Variants in ACAD10 observed in about 807,000 individuals in gnomAD.
ACAD10 encodes the protein acyl-CoA dehydrogenase family member 10.
In ACAD10, 112 loss-of-function variants were observed where a neutral mutation model predicts 116.8. The ratio of observed to expected loss-of-function variants is 0.96; its 90% CI spans 0.82 to 1.12. ACAD10 has a LOEUF of 1.12. Among genes scored for constraint, ACAD10 ranks in the 50% most tolerant of loss-of-function variants. ACAD10 has a pLI of 0.00. For missense variants in ACAD10, 1,259 were observed against 1,350.2 expected, an observed-to-expected ratio of 0.93 and a Z score of 1.06; for synonymous variants, 486 against 510.6, an observed-to-expected ratio of 0.95 and a Z score of 0.65.
intron 7 of ACAD10, among the ~76,000 whole-genome samples, chr12:111,719,740 T>C (rs1043868958): frequency 3.3e-5 from 5 of 151,966 alleles, no homozygotes. Context: ...ATTTTTATTA[T>C]TTTTTGAGAC....
intron 18 of ACAD10, among the ~76,000 whole-genome samples, chr12:111,752,327 G>A (rs796215831): frequency 1.2e-4 from 19 of 152,096 alleles, no homozygotes; most frequent in African/African-American, 4.6e-4. Flanking sequence ...AGGCTGGCCG[G>A]GTGCTGTGGT....
intron 6 of ACAD10, among the ~76,000 whole-genome samples, chr12:111,714,352 G>T (rs772352840): frequency 6.6e-6 from 1 of 152,052 alleles, no homozygotes; most frequent in Non-Finnish European, 1.5e-5. Context: ...CAGAAAACCA[G>T]GTGCCTTGTG....
intron 8 of ACAD10, among the ~76,000 whole-genome samples, chr12:111,722,880 C>T (rs1159206326): frequency 5.3e-5 from 8 of 152,144 alleles, no homozygotes; most frequent in East Asian, 3.9e-4. Context: ...CATCCTGGCC[C>T]GTTCTCAATG....
chr12:111,712,998 A>G (rs545448756), intron 6 of ACAD10, among the ~76,000 whole-genome samples: 1 of 152,318 alleles, frequency 6.6e-6, no homozygotes, highest in East Asian at 1.9e-4. Flanking sequence ...ACGACAGCCC[A>G]TTTTGTGAAG....
At chr12:111,706,638 C>T (rs1290170639) in intron 4 of ACAD10, among the ~76,000 whole-genome samples, 8 of 150,546 alleles carry the variant, frequency 5.3e-5, no homozygotes, top group Non-Finnish European at 7.4e-5. Flanking sequence ...TTAGTAGAGA[C>T]GGGGGTTTCA....
intron 2 of ACAD10, among the ~76,000 whole-genome samples, chr12:111,697,909 C>T (rs1184550899): frequency 2.7e-5 from 4 of 146,286 alleles, no homozygotes; most frequent in African/African-American, 5.0e-5. Flanking sequence ...TTTTAATGTT[C>T]ATTTGCCTGA....
chr12:111,689,436 A>G (rs1401901205), intron 1 of ACAD10, among the ~76,000 whole-genome samples: 4 of 151,310 alleles, frequency 2.6e-5, no homozygotes, highest in African/African-American at 7.3e-5. Flanking sequence ...CAGTGGTGCA[A>G]TCTTGGTTCA....
intron 16 of ACAD10, chr12:111,747,810 G>A (rs917487980): frequency 5.0e-6 from 5 of 992,632 alleles, no homozygotes; most frequent in Non-Finnish European, 6.1e-6. Context: ...ACAAGTAGCC[G>A]TGGAGCTTAC....
At chr12:111,755,640 T>A (rs199856179) in intron 19 of ACAD10, 28 bp from the exon 20 acceptor site, 1 of 1,605,450 alleles carries the variant, frequency 6.2e-7, no homozygotes, top group East Asian at 2.2e-5. Context: ...CTCGGGTCTT[T>A]TATGATCGCA....
At position 111,756,535 on chromosome 12, in the gene ACAD10, G is replaced by C; in HGVS notation, c.*62G>C. The stretch of plus-strand genomic sequence containing the variant: ...TCCAGCTGTGCCCAGATCTGTCACT[G>C]ATGTGCCTCGAAAGATCCGGTGTTT... On this transcript the variant is annotated 3_prime_UTR_variant, in exon 21 of 21. Coordinates refer to ENST00000313698, the MANE Select transcript of ACAD10 (RefSeq NM_025247.6). The C allele has an allele frequency of 9.4e-6, 15 of 1,588,498 alleles. No individual in the cohort carries two copies. Among genetic ancestry groups the C allele is most frequent in the Non-Finnish European group, 1.3e-5 (15 of 1,172,082 alleles).
At chr12:111,716,350 G>A (rs1345767111) in intron 7 of ACAD10, among the ~76,000 whole-genome samples, 1 of 152,140 alleles carries the variant, frequency 6.6e-6, no homozygotes, top group Non-Finnish European at 1.5e-5. Flanking sequence ...CCACCTGGGA[G>A]ACATTGTGAA....
intron 10 of ACAD10, among the ~76,000 whole-genome samples, chr12:111,731,912 A>G (rs1889396099): frequency 6.6e-6 from 1 of 152,016 alleles, no homozygotes; most frequent in Admixed American, 6.6e-5. Context: ...CCAAAATCCC[A>G]TGTCTATTAA....
intron 10 of ACAD10, among the ~76,000 whole-genome samples, chr12:111,730,754 CTT>C (rs750344202): frequency 3.1e-4 from 42 of 135,046 alleles, no homozygotes; most frequent in Non-Finnish European, 3.1e-4. Flanking sequence ...ATTTCCGTTT[CTT>C]TTTTTTTTTT....
chr12:111,724,697 G>A (rs560985515), intron 8 of ACAD10, among the ~76,000 whole-genome samples: 1 of 152,254 alleles, frequency 6.6e-6, no homozygotes, highest in East Asian at 1.9e-4. Context: ...GGCAGGCTGA[G>A]GCAGGAGAAT....
At chr12:111,691,931 G>T (rs117336370) in intron 1 of ACAD10, among the ~76,000 whole-genome samples, 4,565 of 151,972 alleles carry the variant, frequency 0.03, 110 homozygotes, top group Non-Finnish European at 0.039. Context: ...TAGGAATTGA[G>T]ATTTTATTTT....
At position 111,705,948 on chromosome 12, in the gene ACAD10, T is replaced by C. The variant is rs745661120; in HGVS notation, c.531+16T>C. 3 of 1,612,234 alleles carry C rather than the reference T, an allele frequency of 1.9e-6. No individual in the cohort carries two copies. Among genetic ancestry groups the C allele is most frequent in the African/African-American group, 2.7e-5 (2 of 74,846 alleles). On this transcript the variant is annotated intron_variant, in intron 4 of 20. Coordinates refer to ENST00000313698, the MANE Select transcript of ACAD10 (RefSeq NM_025247.6). ...GTTTGATGTGGTAAGCTTGAGCTAATTGAAAACCATTGGAACAGAATCTGT... is the reference window on the plus strand; with the variant it reads ...GTTTGATGTGGTAAGCTTGAGCTAACTGAAAACCATTGGAACAGAATCTGT...
At chr12:111,697,806 A>G (rs1888233080) in intron 2 of ACAD10, among the ~76,000 whole-genome samples, 1 of 151,338 alleles carries the variant, frequency 6.6e-6, no homozygotes, top group Non-Finnish European at 1.5e-5. Flanking sequence ...GGATGATCTC[A>G]ATCTCCTGAT....
At chr12:111,710,253 A>G (rs999087186) in intron 5 of ACAD10, 2 of 452,526 alleles carry the variant, frequency 4.4e-6, no homozygotes, top group African/African-American at 2.0e-5. Context: ...ACACCCGACT[A>G]ATTTTTGTAT....
intron 5 of ACAD10, among the ~76,000 whole-genome samples, chr12:111,712,185 A>G (rs954518000): frequency 2.6e-5 from 4 of 152,308 alleles, no homozygotes; most frequent in South Asian, 2.1e-4. Flanking sequence ...TGTTGTGGCA[A>G]AACTGCTGGT....
Sources: allele counts gnomAD v4.1 joint callset (sites outside exome capture counted in the v4.1 genomes callset), GRCh38; gene constraint gnomAD v4.1.1; transcripts MANE v1.5; gene names NCBI Gene and HGNC (gene_info 2026-07-23, HGNC 2026-07-21).